The following FAF1 variants were observed in gnomAD, a reference collection of about 807,000 sequenced individuals.
FAF1 encodes the protein Fas associated factor 1, also known as FAS-associated factor 1.
FAF1 carries 25 observed loss-of-function variants against 92.5 expected under a neutral mutation model. That is an observed-to-expected ratio of 0.27 (90% CI 0.20 to 0.38). FAF1 has a LOEUF of 0.38. Ranked by LOEUF, FAF1 falls within the 10% of genes least tolerant of loss-of-function variation. The probability of loss-of-function intolerance (pLI) is 1.00; values close to 1 mark genes in which losing one functional copy is unlikely to be tolerated. For synonymous variants in FAF1, 234 were observed against 273.2 expected (o/e 0.86, Z 1.42); for missense variants, 636 against 793.3 (o/e 0.80, Z 2.38).
chr1:50,803,233 G>C (rs1662066968), intron 2 of FAF1, among the ~76,000 whole-genome samples: 2 of 152,168 alleles, frequency 1.3e-5, no homozygotes. Context: ...AAATGGTTAA[G>C]AGAATGCTCT....
chr1:50,808,310 C>A (rs1662286836), intron 2 of FAF1, among the ~76,000 whole-genome samples: 1 of 152,156 alleles, frequency 6.6e-6, no homozygotes, highest in Non-Finnish European at 1.5e-5. Flanking sequence ...TAAAAACACA[C>A]TTAAGTACAT....
At position 50,873,528 on chromosome 1, in the gene FAF1, A is replaced by AAT. The variant is rs534261508; in HGVS notation, c.46-15532_46-15531insAT. Among the ~76,000 whole-genome samples the AAT allele has an allele frequency of 1.3e-4, 20 of 152,328 alleles. No individual in the cohort carries two copies. In the East Asian group the frequency reaches 3.7e-3, roughly 28 times the overall value. ...CCCATCTGGGCAAGACAAACTTAAG[A>AAT]AAATGGCCAGAACCTGCAGATGGCG... On this transcript the variant is annotated intron_variant, in intron 1 of 18. Transcript: ENST00000396153.
intron 4 of FAF1, among the ~76,000 whole-genome samples, chr1:50,774,992 T>C (rs1660903909): frequency 6.6e-6 from 1 of 152,136 alleles, no homozygotes. Flanking sequence ...TAGCTGCCTT[T>C]GGGCTCGCTT....
At chr1:50,885,324 A>ACTCT (rs1341216464) in intron 1 of FAF1, among the ~76,000 whole-genome samples, 22 of 102,232 alleles carry the variant, frequency 2.2e-4, no homozygotes, top group East Asian at 6.1e-4. Context: ...ACACACACAC[A>ACTCT]CTCTCTCTCT....
chr1:50,589,780 A>G (rs975502133), intron 9 of FAF1, among the ~76,000 whole-genome samples: 1 of 152,084 alleles, frequency 6.6e-6, no homozygotes, highest in Non-Finnish European at 1.5e-5. Flanking sequence ...CTTTTGCCCT[A>G]TGTTTTCTTT....
At chr1:50,804,987 A>C (rs1308472191) in intron 2 of FAF1, among the ~76,000 whole-genome samples, 1 of 152,228 alleles carries the variant, frequency 6.6e-6, no homozygotes, top group Non-Finnish European at 1.5e-5. Context: ...TAAAAATTAT[A>C]CTGAGTTTAT....
chr1:50,898,496 T>C (rs1436286981), intron 1 of FAF1, among the ~76,000 whole-genome samples: 1 of 152,220 alleles, frequency 6.6e-6, no homozygotes, highest in African/African-American at 2.4e-5. Flanking sequence ...AAACACAGCA[T>C]AGAAAATTCT....
chr1:50,660,010 A>G (rs1014070385), intron 7 of FAF1, among the ~76,000 whole-genome samples: 3 of 152,158 alleles, frequency 2.0e-5, no homozygotes, highest in African/African-American at 7.2e-5. Context: ...TTCAAACTTC[A>G]TACTTCCTCA....
intron 2 of FAF1, among the ~76,000 whole-genome samples, chr1:50,836,269 C>A (rs1644204381): frequency 1.4e-5 from 2 of 145,262 alleles, no homozygotes; most frequent in Admixed American, 7.2e-5. Context: ...CTCCTGGGCT[C>A]AGGCAATCCT....
intron 13 of FAF1, among the ~76,000 whole-genome samples, chr1:50,545,767 A>T (rs1648983154): frequency 6.6e-6 from 1 of 152,126 alleles, no homozygotes; most frequent in African/African-American, 2.4e-5. Flanking sequence ...AATCACACAT[A>T]CTCTTAAACA....
At chr1:50,852,566 T>C (rs896431377) in intron 2 of FAF1, among the ~76,000 whole-genome samples, 2 of 152,134 alleles carry the variant, frequency 1.3e-5, no homozygotes, top group African/African-American at 2.4e-5. Context: ...AAAAAGCCAG[T>C]ACAGAGAAGA....
chr1:50,540,225 G>C (rs111258551), intron 13 of FAF1, among the ~76,000 whole-genome samples: 26,973 of 151,982 alleles, frequency 0.18, 3,139 homozygotes, highest in Middle Eastern at 0.37. Context: ...ACCTGCCTCG[G>C]CCTCCCAAAG....
intron 8 of FAF1, among the ~76,000 whole-genome samples, chr1:50,603,047 G>A (rs1652219526): frequency 6.6e-6 from 1 of 152,114 alleles, no homozygotes. Flanking sequence ...AAGTCAAACA[G>A]GTACTGACTG....
chr1:50,479,544 C>T (rs762462155), intron 17 of FAF1, among the ~76,000 whole-genome samples: 6 of 152,136 alleles, frequency 3.9e-5, no homozygotes, highest in Admixed American at 1.3e-4. Flanking sequence ...TATTCCTTTT[C>T]GCCTACTTTA....
chr1:50,812,728 C>T (rs933169254), intron 2 of FAF1, among the ~76,000 whole-genome samples: 2 of 152,102 alleles, frequency 1.3e-5, no homozygotes, highest in Admixed American at 1.3e-4. Context: ...TGCGTATATA[C>T]CCAAAGGCAT....
intron 15 of FAF1, 73 bp from the exon 16 acceptor site, chr1:50,491,874 G>T: frequency 1.8e-6 from 2 of 1,117,980 alleles, no homozygotes; most frequent in South Asian, 2.8e-5. Context: ...AAAACTAATG[G>T]TAATCCCTTT....
intron 7 of FAF1, among the ~76,000 whole-genome samples, chr1:50,671,894 A>G (rs1655898227): frequency 6.6e-6 from 1 of 151,554 alleles, no homozygotes; most frequent in African/African-American, 2.4e-5. Context: ...GCAACCTCAA[A>G]CTCCTGGATT....
At chr1:50,819,597 G>T (rs941375262) in intron 2 of FAF1, among the ~76,000 whole-genome samples, 1 of 146,162 alleles carries the variant, frequency 6.8e-6, no homozygotes, top group African/African-American at 2.5e-5. Context: ...CCATACTCCA[G>T]CCTGGTCAAC....
chr1:50,455,425 C>G (rs1646339248), intron 18 of FAF1, among the ~76,000 whole-genome samples: 1 of 152,138 alleles, frequency 6.6e-6, no homozygotes, highest in South Asian at 2.1e-4. Flanking sequence ...ATAGAAGCCT[C>G]CAGCTACAGT....
Sources: allele counts gnomAD v4.1 joint callset (sites outside exome capture counted in the v4.1 genomes callset), GRCh38; gene constraint gnomAD v4.1.1; transcripts MANE v1.5; gene names NCBI Gene and HGNC (gene_info 2026-07-23, HGNC 2026-07-21).